KCTD3: variants seen among roughly 807,000 people sequenced by gnomAD.
The protein encoded by KCTD3 is BTB/POZ domain-containing protein KCTD3.
In KCTD3, 41 loss-of-function variants were observed where a neutral mutation model predicts 85.8. The observed-to-expected ratio is 0.48, with a 90% CI of 0.37 to 0.62. The LOEUF (loss-of-function observed/expected upper bound fraction) is 0.62. Among genes scored for constraint, KCTD3 ranks in the 20% least tolerant of loss-of-function variants. The probability of loss-of-function intolerance (pLI) is 0.00; values close to 1 mark genes in which losing one functional copy is unlikely to be tolerated. For synonymous variants in KCTD3, 338 were observed against 345.4 expected, an observed-to-expected ratio of 0.98 and a Z score of 0.24; for missense variants, 724 against 989.9, an observed-to-expected ratio of 0.73 and a Z score of 3.60.
At position 215,617,977 on chromosome 1, in the gene KCTD3, T is replaced by C. The variant is rs763611735; in HGVS notation, c.1563-909T>C. 12 of 264,974 alleles carry C rather than the reference T, an allele frequency of 4.5e-5. 1 individual carries two copies. The highest frequency in any genetic ancestry group is 1.3e-4 in the Admixed American group (3 of 23,796). 16.4% of individuals were successfully genotyped at this position (264,974 alleles called of 1,614,324 possible). Reference sequence around the variant, plus strand: ...GTTCTACAGTTTATCATTCTTTGTCTGAATTGTATAAAAGCATCTTGCTGT... The same window carrying C: ...GTTCTACAGTTTATCATTCTTTGTCCGAATTGTATAAAAGCATCTTGCTGT... On this transcript the variant is annotated intron_variant, in intron 15 of 17. Coordinates refer to ENST00000259154, the MANE Select transcript of KCTD3 (RefSeq NM_016121.5).
intron 1 of KCTD3, among the ~76,000 whole-genome samples, chr1:215,568,197 G>C (rs940484696): frequency 6.6e-6 from 1 of 152,120 alleles, no homozygotes; most frequent in Non-Finnish European, 1.5e-5. Context: ...ACGAGGTGTC[G>C]GTTTTCTTAG....
intron 15 of KCTD3, among the ~76,000 whole-genome samples, chr1:215,616,012 CT>C (rs1250010576): frequency 6.6e-6 from 1 of 152,132 alleles, no homozygotes. Flanking sequence ...TTATGGCTAG[CT>C]GTTCACAGAA....
At chr1:215,572,178 C>T (rs1245248159) in intron 1 of KCTD3, among the ~76,000 whole-genome samples, 11 of 152,092 alleles carry the variant, frequency 7.2e-5, no homozygotes, top group Admixed American at 6.5e-4. Flanking sequence ...ATCAAGTCTC[C>T]GTTTTGTACA....
chr1:215,617,382 C>T (rs944754438), intron 15 of KCTD3, among the ~76,000 whole-genome samples: 33 of 151,958 alleles, frequency 2.2e-4, no homozygotes, highest in African/African-American at 6.3e-4. Flanking sequence ...TTTGTGAGAC[C>T]GAGTCTTCTA....
Position 215,621,692 on chromosome 1 carries a change from A to C in KCTD3, c.*1074A>C, listed in dbSNP as rs1457778469. 1.3e-5 allele frequency: 2 copies of C among 152,584 alleles called. No individual in the cohort carries two copies. Among genetic ancestry groups the C allele is most frequent in the Non-Finnish European group, 2.9e-5 (2 of 67,992 alleles). The allele number at this position is 152,584 out of a possible 1,614,324, so 9.5% of individuals were successfully genotyped here. ...AATGTATATATCCCCATTCCAAGAA[A>C]TATAAGTGAGTGAAGTTGAAATAAA... On this transcript the variant is annotated 3_prime_UTR_variant, in exon 18 of 18. Coordinates refer to ENST00000259154, the MANE Select transcript of KCTD3 (RefSeq NM_016121.5).
In KCTD3 at chr1:215,567,597, A is replaced by G. The variant is rs924203443; in HGVS notation, c.-89A>G. On this transcript the variant is annotated 5_prime_UTR_variant, in exon 1 of 18. Coordinates refer to ENST00000259154, the MANE Select transcript of KCTD3 (RefSeq NM_016121.5). ...GCCGCCGCCGCCCCGCTGGCCCTGCAGCCGTCGCCGCTGCCTCGGGCTACA... is the reference window on the plus strand; with the variant it reads ...GCCGCCGCCGCCCCGCTGGCCCTGCGGCCGTCGCCGCTGCCTCGGGCTACA... The G allele has an allele frequency of 2.8e-6, 2 of 711,802 alleles. No homozygotes were observed. The highest frequency in any genetic ancestry group is 3.7e-6 in the Non-Finnish European group (2 of 537,578). The allele number at this position is 711,802 out of a possible 1,614,324, so 44.1% of individuals were successfully genotyped here.
rs903735146 is a variant in KCTD3, at chr1:215,604,394, A to G, written c.1309+92A>G. 2.2e-5 allele frequency: 21 copies of G among 947,256 alleles called. No homozygotes were observed. In the Admixed American group the frequency reaches 3.1e-4, roughly 14 times the overall value. The allele number at this position is 947,256 out of a possible 1,614,324, so 58.7% of individuals were successfully genotyped here. ...AACGCAGTGTTTATGTGAGAAAAAT[A>G]TACTAAAAGAAGTACTAGAAAAGTT... On this transcript the variant is annotated intron_variant, in intron 13 of 17. Transcript: ENST00000259154.
chr1:215,567,633 C>T lies in KCTD3; in HGVS notation c.-53C>T, dbSNP rs974025152. On this transcript the variant is annotated 5_prime_UTR_variant, in exon 1 of 18. Transcript: ENST00000259154. The stretch of plus-strand genomic sequence containing the variant: ...CTGCCTCGGGCTACAGCCCCGGGCT[C>T]GGCGGTCCCGGCTGGGGAAGGAGGG... 2.3e-5 allele frequency: 27 copies of T among 1,149,866 alleles called. No individual in the cohort carries two copies. Among genetic ancestry groups the T allele is most frequent in the Non-Finnish European group, 2.7e-5 (25 of 916,454 alleles). 71.2% of individuals were successfully genotyped at this position (1,149,866 alleles called of 1,614,324 possible).
chr1:215,601,723 C>G (rs748413007), intron 10 of KCTD3, 144 bp from the exon 11 acceptor site: 14 of 580,902 alleles, frequency 2.4e-5, no homozygotes, highest in Non-Finnish European at 4.3e-5. Flanking sequence ...ACGCGTGCAC[C>G]TAAAGAAAGT....
intron 1 of KCTD3, among the ~76,000 whole-genome samples, chr1:215,571,832 C>T (rs1020855079): frequency 9.2e-5 from 14 of 152,118 alleles, no homozygotes; most frequent in African/African-American, 3.1e-4. Context: ...GGGGTTTCAC[C>T]GTGTTAGCCA....
intron 1 of KCTD3, 86 bp from the exon 2 acceptor site, chr1:215,573,700 T>G: frequency 2.7e-6 from 2 of 738,834 alleles, no homozygotes; most frequent in South Asian, 3.6e-5. Flanking sequence ...TTGTAAATCA[T>G]TAGCCAGTGT....
intron 9 of KCTD3, among the ~76,000 whole-genome samples, chr1:215,586,939 A>G (rs1660031736): frequency 6.6e-6 from 1 of 152,062 alleles, no homozygotes. Flanking sequence ...AATCCCACTT[A>G]GTGGTGGATG....
intron 15 of KCTD3, among the ~76,000 whole-genome samples, chr1:215,615,182 A>C (rs1655387205): frequency 6.6e-6 from 1 of 152,210 alleles, no homozygotes; most frequent in African/African-American, 2.4e-5. Flanking sequence ...ATAGAAAATT[A>C]GCCCTTTATA....
chr1:215,577,753 G>A (rs1659646086), intron 5 of KCTD3, 25 bp downstream of exon 5: 1 of 1,535,610 alleles, frequency 6.5e-7, no homozygotes, highest in Non-Finnish European at 9.0e-7. Flanking sequence ...AATATTTGGT[G>A]TTTATGATTT....
chr1:215,616,990 C>G (rs982418955), intron 15 of KCTD3, among the ~76,000 whole-genome samples: 4 of 152,102 alleles, frequency 2.6e-5, no homozygotes, highest in African/African-American at 9.7e-5. Flanking sequence ...GGAGAGGAGC[C>G]GAAGGCTAAG....
chr1:215,609,934 T>C (rs1054146988), intron 14 of KCTD3, among the ~76,000 whole-genome samples: 1 of 151,906 alleles, frequency 6.6e-6, no homozygotes, highest in African/African-American at 2.4e-5. Context: ...ATTCAGCATA[T>C]AAGAAGCACC....
intron 1 of KCTD3, among the ~76,000 whole-genome samples, chr1:215,571,725 A>G (rs551087800): frequency 7.3e-5 from 11 of 149,734 alleles, no homozygotes; most frequent in African/African-American, 2.7e-4. Context: ...CCACCTCCTG[A>G]GTTCACGCCA....
chr1:215,568,541 A>C (rs1284085381), intron 1 of KCTD3, among the ~76,000 whole-genome samples: 1 of 125,012 alleles, frequency 8.0e-6, no homozygotes, highest in Non-Finnish European at 1.6e-5. Flanking sequence ...GGGGGAAAAA[A>C]TCGTAGTTTT....
chr1:215,578,372 C>T (rs1345011836), intron 6 of KCTD3, among the ~76,000 whole-genome samples: 1 of 152,142 alleles, frequency 6.6e-6, no homozygotes, highest in Non-Finnish European at 1.5e-5. Flanking sequence ...TAACTGTAAC[C>T]ACTACAACTT....
Sources: allele counts gnomAD v4.1 joint callset (sites outside exome capture counted in the v4.1 genomes callset), GRCh38; gene constraint gnomAD v4.1.1; transcripts MANE v1.5; gene names NCBI Gene and HGNC (gene_info 2026-07-23, HGNC 2026-07-21).